The following ENTREP2 variants were observed in gnomAD, a reference collection of about 807,000 sequenced individuals.
The protein encoded by ENTREP2 is protein ENTREP2.
At chr15:29,124,376 G>A in the ENTREP2 span, among the ~76,000 whole-genome samples, 5 of 152,236 alleles carry the variant, frequency 3.3e-5, no homozygotes, top group African/African-American at 7.2e-5. Context: ...CTTGTTTGGT[G>A]GCAACTGGAA....
the ENTREP2 span, among the ~76,000 whole-genome samples, chr15:29,606,301 C>T: frequency 6.7e-6 from 1 of 149,382 alleles, no homozygotes; most frequent in Non-Finnish European, 1.5e-5. Flanking sequence ...GTGGCTCAAT[C>T]TCGGCTCACT....
the ENTREP2 span, among the ~76,000 whole-genome samples, chr15:29,494,886 A>ATG: frequency 4.0e-5 from 6 of 151,770 alleles, no homozygotes; most frequent in Admixed American, 1.3e-4. Context: ...GTTTGTGTGC[A>ATG]TGTGTGTGTG....
chr15:29,234,918 T>C, the ENTREP2 span: 1 of 1,544,094 alleles, frequency 6.5e-7, no homozygotes, highest in Non-Finnish European at 9.0e-7. Flanking sequence ...ATTACTAATT[T>C]GGTGTCATCT....
chr15:29,129,437 T>C, the ENTREP2 span, among the ~76,000 whole-genome samples: 2 of 152,178 alleles, frequency 1.3e-5, no homozygotes, highest in African/African-American at 4.8e-5. Context: ...AGCCTACGAG[T>C]TGCACAGTCA....
the ENTREP2 span, among the ~76,000 whole-genome samples, chr15:29,202,310 T>C: frequency 3.9e-5 from 6 of 152,170 alleles, no homozygotes; most frequent in Non-Finnish European, 8.8e-5. Context: ...TTGCTTTGGG[T>C]TGATTATGCT....
At chr15:29,293,499 G>A in the ENTREP2 span, among the ~76,000 whole-genome samples, 303 of 151,600 alleles carry the variant, frequency 2.0e-3, no homozygotes, top group African/African-American at 6.6e-3. Flanking sequence ...CTTGTGATCC[G>A]CCCGCCTTGG....
At chr15:29,669,390 C>G in the ENTREP2 span, among the ~76,000 whole-genome samples, 5 of 152,064 alleles carry the variant, frequency 3.3e-5, no homozygotes, top group Non-Finnish European at 7.4e-5. Context: ...ATGTTCAGCC[C>G]CCTCGCCATG....
At chr15:29,276,158 G>A in the ENTREP2 span, among the ~76,000 whole-genome samples, 1 of 152,208 alleles carries the variant, frequency 6.6e-6, no homozygotes, top group Non-Finnish European at 1.5e-5. Context: ...CTTGGCTGGT[G>A]GAAGCGGGTG....
the ENTREP2 span, among the ~76,000 whole-genome samples, chr15:29,175,668 G>A: frequency 6.6e-6 from 1 of 152,306 alleles, no homozygotes; most frequent in African/African-American, 2.4e-5. Context: ...GCAGTGGCAC[G>A]ATCTCGGCTC....
chr15:29,654,653 A>T, the ENTREP2 span, among the ~76,000 whole-genome samples: 1 of 152,342 alleles, frequency 6.6e-6, no homozygotes, highest in Non-Finnish European at 1.5e-5. Flanking sequence ...ATCTTTCCTT[A>T]TCTTGCAGTA....
the ENTREP2 span, among the ~76,000 whole-genome samples, chr15:29,661,189 T>A: frequency 3.3e-5 from 5 of 152,174 alleles, no homozygotes; most frequent in Non-Finnish European, 4.4e-5. Flanking sequence ...TCTGAGAAGA[T>A]TTTTTTGTTT....
the ENTREP2 span, among the ~76,000 whole-genome samples, chr15:29,657,199 C>G: frequency 6.6e-6 from 1 of 151,442 alleles, no homozygotes; most frequent in Admixed American, 6.6e-5. Context: ...ACGCGCCCAC[C>G]ACCACGCCGC....
At chr15:29,469,104 C>T in the ENTREP2 span, among the ~76,000 whole-genome samples, 1 of 152,160 alleles carries the variant, frequency 6.6e-6, no homozygotes, top group African/African-American at 2.4e-5. Context: ...CATGCAACAT[C>T]CACCAATGGA....
the ENTREP2 span, among the ~76,000 whole-genome samples, chr15:29,625,132 A>C: frequency 6.6e-6 from 1 of 152,238 alleles, no homozygotes; most frequent in South Asian, 2.1e-4. Flanking sequence ...TTTTAAAAAA[A>C]CCATTTCAAA....
chr15:29,508,445 A>T, the ENTREP2 span, among the ~76,000 whole-genome samples: 1 of 152,194 alleles, frequency 6.6e-6, no homozygotes, highest in Non-Finnish European at 1.5e-5. Flanking sequence ...AGACACAACA[A>T]GAAAAGAAAA....
the ENTREP2 span, among the ~76,000 whole-genome samples, chr15:29,317,210 A>G: frequency 6.6e-6 from 1 of 152,230 alleles, no homozygotes; most frequent in Non-Finnish European, 1.5e-5. Flanking sequence ...CAATGATGTT[A>G]TTCTGAGTAA....
chr15:29,241,755 T>C, the ENTREP2 span, among the ~76,000 whole-genome samples: 1 of 152,180 alleles, frequency 6.6e-6, no homozygotes, highest in Non-Finnish European at 1.5e-5. Flanking sequence ...TTGAAATAAC[T>C]GAGTCATTAA....
the ENTREP2 span, among the ~76,000 whole-genome samples, chr15:29,294,088 G>A: frequency 6.6e-6 from 1 of 152,214 alleles, no homozygotes; most frequent in Non-Finnish European, 1.5e-5. Context: ...CTGGTGCTCA[G>A]AAGCAAAGAG....
chr15:29,603,725 G>A, the ENTREP2 span, among the ~76,000 whole-genome samples: 42 of 152,150 alleles, frequency 2.8e-4, no homozygotes, highest in African/African-American at 8.7e-4. Context: ...TGCAACCTCC[G>A]CCGCCCGGGT....
Sources: gnomAD v4.1 joint callset for allele counts (sites outside exome capture counted in the v4.1 genomes callset) on GRCh38, gnomAD v4.1.1 for gene constraint, MANE v1.5 for transcripts, NCBI Gene and HGNC (gene_info 2026-07-23, HGNC 2026-07-21) for gene names.